Variants in C3 observed in about 807,000 individuals in gnomAD.
C3 encodes C3 and PZP-like alpha-2-macroglobulin domain-containing protein 1.
Under a neutral mutation model 207.9 loss-of-function variants are expected in C3, and 97 were observed. The observed-to-expected ratio is 0.47, with a 90% CI of 0.40 to 0.55. The LOEUF is 0.55. Among genes scored for constraint, C3 ranks in the 20% least tolerant of loss-of-function variants. The pLI, the probability that C3 is intolerant of heterozygous loss-of-function variation, is 0.00. For missense variants in C3, 1,684 were observed against 2,171.7 expected (o/e 0.78, Z 4.46); for synonymous variants, 848 against 857.6 (o/e 0.99, Z 0.20).
chr19:6,689,326 TACCTCCCTCCCTCCCTCCCTCC>T (rs1918097186), intron 27 of C3, among the ~76,000 whole-genome samples: 3 of 62,510 alleles, frequency 4.8e-5, no homozygotes, highest in African/African-American at 2.5e-4. Flanking sequence ...TCTCTCTACC[TACCTCCCTCCCTCCCTCCCTCC>T]CTCCCTCCCT....
At chr19:6,709,895 C>T in intron 13 of C3, 53 bp from the exon 14 acceptor site, 1 of 1,580,142 alleles carries the variant, frequency 6.3e-7, no homozygotes, top group Non-Finnish European at 8.6e-7. Flanking sequence ...GAGAGGAGTG[C>T]CTGGGATGGA....
chr19:6,682,434 A>C, intron 33 of C3: 1 of 574,186 alleles, frequency 1.7e-6, no homozygotes, highest in Non-Finnish European at 3.2e-6. Context: ...AAGAGCTCAG[A>C]CTCTGCACCC....
intron 14 of C3, among the ~76,000 whole-genome samples, chr19:6,708,961 C>A (rs1286212681): frequency 1.3e-5 from 2 of 151,658 alleles, no homozygotes; most frequent in African/African-American, 4.8e-5. Flanking sequence ...TGCTGGGATT[C>A]CAGACGTGAG....
At chr19:6,707,408 G>C in intron 16 of C3, 58 bp downstream of exon 16, 12 of 1,606,054 alleles carry the variant, frequency 7.5e-6, no homozygotes, top group Non-Finnish European at 1.0e-5. Context: ...CTGCACGGCC[G>C]GGCTGGGGTC....
At chr19:6,689,292 A>ACAGTCCCCCACCC (rs1451605182) in intron 27 of C3, among the ~76,000 whole-genome samples, 3 of 91,508 alleles carry the variant, frequency 3.3e-5, no homozygotes, top group Non-Finnish European at 4.6e-5. Context: ...GTCTGACCCC[A>ACAGTCCCCCACCC]CCTCTCCTCT....
Position 6,719,509 on chromosome 19 carries a change from T to C in C3, c.75-106A>G. The C allele has an allele frequency of 1.9e-6, 2 of 1,029,914 alleles. No individual in the cohort carries two copies. Among genetic ancestry groups the C allele is most frequent in the South Asian group, 1.4e-5 (1 of 70,786 alleles). The allele number at this position is 1,029,914 out of a possible 1,614,324, so 63.8% of individuals were successfully genotyped here. On this transcript the variant is annotated intron_variant, in intron 1 of 40. Transcript: ENST00000245907. This position sits in a 1 kb window ranked among gnomAD's most constrained non-coding sequence, Gnocchi z 5.4. ...GGCTGTGTGCCCCAGCCTCTGGTCC[T>C]GGAGAGGATCCAGTGACTGCCGGCG...
At chr19:6,697,049 T>TAAAAAAAA (rs202245108) in intron 21 of C3, among the ~76,000 whole-genome samples, 8 of 91,546 alleles carry the variant, frequency 8.7e-5, no homozygotes, top group Non-Finnish European at 1.2e-4. Context: ...CTCAAAAAAA[T>TAAAAAAAA]AAACAAACAA....
rs1918215343 is a variant in C3, at chr19:6,693,333, AC to A, written c.3230+78del. The A allele has an allele frequency of 2.8e-6, 4 of 1,416,894 alleles. No individual in the cohort carries two copies. In the South Asian group the frequency reaches 4.8e-5, roughly 17 times the overall value. 87.8% of individuals were successfully genotyped at this position (1,416,894 alleles called of 1,614,324 possible). On this transcript the variant is annotated intron_variant, in intron 25 of 40. Coordinates refer to ENST00000245907, the MANE Select transcript of C3 (RefSeq NM_000064.4). ...TTGGGCAAGGCTGGCCTAAGGGACCACCCCTGGCCAGGGTCCGGGCCCTGCT... is the reference window on the plus strand; with the variant it reads ...TTGGGCAAGGCTGGCCTAAGGGACCACCCTGGCCAGGGTCCGGGCCCTGCT...
chr19:6,689,360 C>CCTCTCTCT (rs1218148901), intron 27 of C3, among the ~76,000 whole-genome samples: 26 of 16,540 alleles, frequency 1.6e-3, no homozygotes, highest in East Asian at 8.3e-3. Context: ...TCCCTCCCTC[C>CCTCTCTCT]CTCTCTCTCT....
Position 6,713,462 on chromosome 19 carries a change from C to T in C3, c.821G>A (p.Gly274Glu). 1 of 1,613,904 alleles carries T rather than the reference C, an allele frequency of 6.2e-7. No individual in the cohort carries two copies. Reference sequence around the variant, plus strand: ...AATCCTCTGTTCGCCATCCTGGATCCCGAAGATGACAAAGGCAGTTCCCTC... The same window carrying T: ...AATCCTCTGTTCGCCATCCTGGATCTCGAAGATGACAAAGGCAGTTCCCTC... ...KVEGTAFVIFGIQDGEQRISL... is the reference protein window; with the variant it reads ...KVEGTAFVIFEIQDGEQRISL... Residue 274 changes from glycine to glutamate, a missense_variant, in exon 8 of 41, where the codon GGG becomes GAG. Transcript: ENST00000245907.
intron 4 of C3, among the ~76,000 whole-genome samples, chr19:6,714,881 G>A (rs1259758694): frequency 2.0e-5 from 3 of 151,816 alleles, no homozygotes; most frequent in Admixed American, 6.6e-5. Context: ...AACAAGGACC[G>A]GAGTCAGTCA....
rs1918105788 is a variant in C3, at chr19:6,689,348, C to CCT, written c.3489+1279_3489+1280dup. Among the ~76,000 whole-genome samples, 8 of 58,796 alleles carry CCT rather than the reference C, an allele frequency of 1.4e-4. No individual in the cohort carries two copies. The East Asian group carries it at 2.0e-3, about 15-fold the overall frequency. The allele number at this position is 58,796 out of a possible 152,430, so 38.6% of individuals were successfully genotyped here. A position where few individuals can be genotyped will look rare whatever the true frequency, so the allele number is the denominator to read the frequency against. ...ACCTACCTCCCTCCCTCCCTCCCTC[C>CCT]CTCCCTCCCTCCCTCTCTCTCTCTC... On this transcript the variant is annotated intron_variant, in intron 27 of 40. Transcript: ENST00000245907.
Position 6,706,533 on chromosome 19 carries a change from C to T in C3, c.2245+543G>A, listed in dbSNP as rs141132388. Among the ~76,000 whole-genome samples, 7 of 152,256 alleles carry T rather than the reference C, an allele frequency of 4.6e-5. No individual in the cohort carries two copies. In the East Asian group the frequency reaches 7.7e-4, roughly 17 times the overall value. ...TCAGACCTGGGTCTTCTCTACCTCA[C>T]GCTGGCAGGGCATCACCTCATCGGC... On this transcript the variant is annotated intron_variant, in intron 17 of 40. Transcript: ENST00000245907.
chr19:6,710,497 G>A (rs1457396365), intron 13 of C3, 142 bp downstream of exon 13: 4 of 670,374 alleles, frequency 6.0e-6, no homozygotes, highest in Non-Finnish European at 1.1e-5. Context: ...AGAGGGAGGA[G>A]AGAAAGGGAG....
chr19:6,701,407 G>A (rs1967669575), intron 19 of C3, among the ~76,000 whole-genome samples: 1 of 152,020 alleles, frequency 6.6e-6, no homozygotes, highest in African/African-American at 2.4e-5. Flanking sequence ...ACCCACTCAC[G>A]CCCCTTCACG....
intron 33 of C3, among the ~76,000 whole-genome samples, chr19:6,683,598 C>G (rs1008024071): frequency 6.6e-6 from 1 of 151,740 alleles, no homozygotes; most frequent in African/African-American, 2.4e-5. Flanking sequence ...CTACAGGCAC[C>G]CGCCACCATG....
chr19:6,694,773 G>A (rs1967496807), intron 23 of C3, 139 bp from the exon 24 acceptor site: 6 of 726,706 alleles, frequency 8.3e-6, no homozygotes, highest in East Asian at 5.4e-5. Context: ...ATGTGACTGC[G>A]GGGAGGGGAG....
chr19:6,689,228 T>G (rs913331572), intron 27 of C3, among the ~76,000 whole-genome samples: 1 of 152,010 alleles, frequency 6.6e-6, no homozygotes, highest in African/African-American at 2.4e-5. Flanking sequence ...ATGCACATCC[T>G]GAGTGAGGCT....
In C3 at chr19:6,690,734, TAGAG is replaced by T. The variant is rs1281811135; in HGVS notation, c.3391-11_3391-8del. 6.8e-6 allele frequency: 11 copies of T among 1,612,146 alleles called. No individual in the cohort carries two copies. The highest frequency in any genetic ancestry group is 1.1e-5 in the South Asian group (1 of 91,018). ...TGTTGTTCCGTAATCCACCCTGAGA[TAGAG>T]AGCAGAAAGCAAGGATGGGGTCACC... On this transcript the variant is annotated splice_polypyrimidine_tract_variant and splice_region_variant and intron_variant, in intron 26 of 40. Coordinates refer to ENST00000245907, the MANE Select transcript of C3 (RefSeq NM_000064.4).
Sources: allele counts gnomAD v4.1 joint callset (sites outside exome capture counted in the v4.1 genomes callset), GRCh38; gene constraint gnomAD v4.1.1; non-coding constraint Gnocchi (gnomAD v3.1); transcripts MANE v1.5; gene names NCBI Gene and HGNC (gene_info 2026-07-23, HGNC 2026-07-21).